Variants in NDFIP2 observed in about 807,000 individuals in gnomAD.
The protein encoded by NDFIP2 is NEDD4 family-interacting protein 2.
In NDFIP2, 19 loss-of-function variants were observed where a neutral mutation model predicts 36.0. The ratio of observed to expected loss-of-function variants is 0.53; its 90% CI spans 0.37 to 0.77. NDFIP2 has a LOEUF of 0.77. NDFIP2 is among the 30% of genes least tolerant of loss of function. The pLI, the probability that NDFIP2 is intolerant of heterozygous loss-of-function variation, is 0.00. For synonymous variants in NDFIP2, 181 were observed against 167.7 expected (o/e 1.08, Z -0.61); for missense variants, 446 against 435.8 (o/e 1.02, Z -0.21).
intron 1 of NDFIP2, among the ~76,000 whole-genome samples, chr13:79,509,650 A>G (rs774091053): frequency 2.0e-5 from 3 of 151,344 alleles, no homozygotes; most frequent in Non-Finnish European, 4.4e-5. Flanking sequence ...CTCTAGAGGA[A>G]CAGAACTAAT....
At chr13:79,503,149 G>T (rs1223804561) in intron 1 of NDFIP2, among the ~76,000 whole-genome samples, 2 of 152,152 alleles carry the variant, frequency 1.3e-5, no homozygotes, top group Non-Finnish European at 2.9e-5. Context: ...CCTCCATGAA[G>T]TAGGAAGCAA....
intron 2 of NDFIP2, 65 bp downstream of exon 2, chr13:79,521,040 A>T: frequency 1.4e-6 from 2 of 1,382,850 alleles, no homozygotes; most frequent in South Asian, 1.4e-5. Context: ...GTTTTGTGTA[A>T]TTATCATGTC....
At chr13:79,535,632 T>C (rs1194285473) in intron 3 of NDFIP2, among the ~76,000 whole-genome samples, 2 of 152,206 alleles carry the variant, frequency 1.3e-5, no homozygotes, top group Non-Finnish European at 2.9e-5. Flanking sequence ...GTAAAAAATC[T>C]TATAAATTTA....
chr13:79,499,993 A>G (rs1414009858), intron 1 of NDFIP2, among the ~76,000 whole-genome samples: 2 of 151,952 alleles, frequency 1.3e-5, no homozygotes, highest in African/African-American at 4.8e-5. Flanking sequence ...GGTAATCAAG[A>G]CAATGTGGTG....
chr13:79,493,000 C>T (rs1182810865), intron 1 of NDFIP2, among the ~76,000 whole-genome samples: 2 of 151,994 alleles, frequency 1.3e-5, no homozygotes, highest in African/African-American at 4.8e-5. Flanking sequence ...TCTCCATTTC[C>T]TGCTCTTTAC....
intron 1 of NDFIP2, among the ~76,000 whole-genome samples, chr13:79,515,855 T>C (rs1874292579): frequency 8.2e-6 from 1 of 121,874 alleles, no homozygotes; most frequent in Non-Finnish European, 1.7e-5. Flanking sequence ...GTAATTCTAA[T>C]CTGTTTTTTT....
intron 2 of NDFIP2, among the ~76,000 whole-genome samples, chr13:79,522,288 C>A (rs1281596910): frequency 6.6e-6 from 1 of 152,028 alleles, no homozygotes; most frequent in African/African-American, 2.4e-5. Context: ...AATAGTAATT[C>A]TTCAATATTT....
chr13:79,545,780 A>C (rs1241946489), intron 5 of NDFIP2, among the ~76,000 whole-genome samples: 1 of 151,830 alleles, frequency 6.6e-6, no homozygotes, highest in Non-Finnish European at 1.5e-5. Flanking sequence ...TCTGTCGCCC[A>C]GGCTGGAGTG....
chr13:79,505,255 G>A (rs748659622), intron 1 of NDFIP2, among the ~76,000 whole-genome samples: 5 of 152,114 alleles, frequency 3.3e-5, no homozygotes, highest in Non-Finnish European at 5.9e-5. Context: ...TTTATTAGCC[G>A]GATTGTTGAA....
chr13:79,521,135 A>G (rs1431613370), intron 2 of NDFIP2, among the ~76,000 whole-genome samples, 160 bp downstream of exon 2: 4 of 152,090 alleles, frequency 2.6e-5, no homozygotes, highest in Non-Finnish European at 4.4e-5. Context: ...ATACAGATGT[A>G]TACACACATA....
intron 1 of NDFIP2, among the ~76,000 whole-genome samples, chr13:79,511,268 C>T (rs2140755347): frequency 6.6e-6 from 1 of 152,240 alleles, no homozygotes; most frequent in Middle Eastern, 3.4e-3. Flanking sequence ...CAAATTATGT[C>T]AAAGACGTAT....
chr13:79,501,087 T>C (rs1873648447), intron 1 of NDFIP2, among the ~76,000 whole-genome samples: 1 of 152,012 alleles, frequency 6.6e-6, no homozygotes, highest in Admixed American at 6.6e-5. Context: ...TACTATGTGA[T>C]TTAAACTGTA....
At chr13:79,503,808 G>A (rs965778297) in intron 1 of NDFIP2, among the ~76,000 whole-genome samples, 6 of 152,112 alleles carry the variant, frequency 3.9e-5, no homozygotes, top group Admixed American at 3.3e-4. Context: ...GAATAATTTG[G>A]ACTCCTGTCA....
intron 1 of NDFIP2, among the ~76,000 whole-genome samples, chr13:79,502,130 A>G (rs566679395): frequency 8.7e-4 from 133 of 152,266 alleles, no homozygotes; most frequent in African/African-American, 2.9e-3. Context: ...ATGAATCGCA[A>G]AAAGAAAAAG....
At chr13:79,522,895 CAAGAG>C (rs370628228) in intron 2 of NDFIP2, among the ~76,000 whole-genome samples, 125 of 152,282 alleles carry the variant, frequency 8.2e-4, no homozygotes, top group African/African-American at 2.9e-3. Flanking sequence ...AGTCCTTATT[CAAGAG>C]GAGAGGAATT....
chr13:79,503,046 G>T (rs1331481174), intron 1 of NDFIP2, among the ~76,000 whole-genome samples: 1 of 152,130 alleles, frequency 6.6e-6, no homozygotes, highest in Non-Finnish European at 1.5e-5. Context: ...GCATTTGGGA[G>T]TGAAGAACAT....
At chr13:79,530,308 A>C (rs1386747344) in intron 2 of NDFIP2, among the ~76,000 whole-genome samples, 1 of 152,036 alleles carries the variant, frequency 6.6e-6, no homozygotes, top group African/African-American at 2.4e-5. Context: ...TTAAAGATGG[A>C]GTCTCCCCAT....
At chr13:79,489,046 C>A (rs998898990) in intron 1 of NDFIP2, among the ~76,000 whole-genome samples, 18 of 152,270 alleles carry the variant, frequency 1.2e-4, no homozygotes, top group African/African-American at 4.3e-4. Context: ...TGTGATGGAG[C>A]TGGTATTCAG....
Position 79,535,806 on chromosome 13 carries a change from C to CT in NDFIP2, c.621+2351dup, listed in dbSNP as rs201101031. 9.6e-3 allele frequency among the ~76,000 whole-genome samples: 1,457 copies of CT among 152,244 alleles called. 22 individuals are homozygous for CT. The highest frequency in any genetic ancestry group is 0.034 in the African/African-American group (1,393 of 41,550). On this transcript the variant is annotated intron_variant, in intron 3 of 7. Coordinates refer to ENST00000218652, the MANE Select transcript of NDFIP2 (RefSeq NM_019080.3). Reference sequence around the variant, plus strand: ...TTGCACAAAAAAAATATTTGAGGTACTGTACATGGTAATTAGCTCAATTTA... The same window carrying CT: ...TTGCACAAAAAAAATATTTGAGGTACTTGTACATGGTAATTAGCTCAATTTA...
Sources: gnomAD v4.1 joint callset for allele counts (sites outside exome capture counted in the v4.1 genomes callset) on GRCh38, gnomAD v4.1.1 for gene constraint, MANE v1.5 for transcripts, NCBI Gene and HGNC (gene_info 2026-07-23, HGNC 2026-07-21) for gene names.